ATP6V0D2: variants seen among roughly 807,000 people sequenced by gnomAD.
The protein encoded by ATP6V0D2 is ATPase H+ transporting V0 subunit d2.
ATP6V0D2 carries 40 observed loss-of-function variants against 40.0 expected under a neutral mutation model. That is an observed-to-expected ratio of 1.00 (90% CI 0.78 to 1.30). The LOEUF (loss-of-function observed/expected upper bound fraction) is 1.30, where lower values mean the gene tolerates loss of function less well. Among genes scored for constraint, ATP6V0D2 ranks in the 50% most tolerant of loss-of-function variants. The pLI, the probability that ATP6V0D2 is intolerant of heterozygous loss-of-function variation, is 0.00. For missense variants in ATP6V0D2, 470 were observed against 423.1 expected, an observed-to-expected ratio of 1.11 and a Z score of -0.97; for synonymous variants, 179 against 156.3, an observed-to-expected ratio of 1.15 and a Z score of -1.08.
chr8:86,152,818 A>G lies in ATP6V0D2; in HGVS notation c.894A>G (p.Val298=). The change falls in exon 8 of 8, where the codon GTA becomes GTG. Residue 298 remains valine (V), a splice_region_variant and synonymous_variant. Transcript: ENST00000285393. ...TGTTACTTTTTTTCTTTCCTCAGGT[A>G]CAAATGAATGTGCTGGCATTCAACA... The part of the protein sequence containing the change: ...TLEDVFYERE[V]QMNVLAFNRQ... 6.3e-7 allele frequency: 1 copy of G among 1,593,082 alleles called. No homozygotes were observed. The highest frequency in any genetic ancestry group is 8.5e-7 in the Non-Finnish European group (1 of 1,173,716).
At chr8:86,111,417 C>A (rs1446021297) in intron 1 of ATP6V0D2, among the ~76,000 whole-genome samples, 2 of 152,118 alleles carry the variant, frequency 1.3e-5, no homozygotes, top group East Asian at 3.8e-4. Flanking sequence ...TGAAAGATTT[C>A]TTTCTTTTTG....
rs1586108346 is a variant in ATP6V0D2, at chr8:86,153,066, A to G, written c.*89A>G. 2.5e-6 allele frequency: 3 copies of G among 1,191,744 alleles called. No individual in the cohort carries two copies. The highest frequency in any genetic ancestry group is 1.8e-5 in the South Asian group (1 of 54,424). 73.8% of individuals were successfully genotyped at this position (1,191,744 alleles called of 1,614,324 possible). A position where few individuals can be genotyped will look rare whatever the true frequency, so the allele number is the denominator to read the frequency against. ...AAAGAAATTATGTTATATTATCTAG[A>G]CTACACAAAAGTAAGCCACACTATA... On this transcript the variant is annotated 3_prime_UTR_variant, in exon 8 of 8. Coordinates refer to ENST00000285393, the MANE Select transcript of ATP6V0D2 (RefSeq NM_152565.1).
At chr8:86,145,310 AAAAGAAAGAAG>A in intron 5 of ATP6V0D2, among the ~76,000 whole-genome samples, 6 of 82,712 alleles carry the variant, frequency 7.3e-5, no homozygotes, top group Non-Finnish European at 1.2e-4. Flanking sequence ...AGAAAGAAAG[AAAAGAAAGAAG>A]GAAAGAAGGA....
intron 1 of ATP6V0D2, among the ~76,000 whole-genome samples, chr8:86,100,039 T>TAA (rs60101140): frequency 3.4e-5 from 5 of 145,408 alleles, no homozygotes; most frequent in African/African-American, 5.0e-5. Flanking sequence ...TAACTGAAGT[T>TAA]AAAAAAAAAA....
At chr8:86,099,486 A>C (rs745407316) in intron 1 of ATP6V0D2, among the ~76,000 whole-genome samples, 2 of 152,042 alleles carry the variant, frequency 1.3e-5, no homozygotes, top group Non-Finnish European at 2.9e-5. Context: ...TACCACACTC[A>C]TCCTTTATTA....
At position 86,152,919 on chromosome 8, in the gene ATP6V0D2, C is replaced by G. The variant is rs751331505; in HGVS notation, c.995C>G (p.Ala332Gly). The G allele has an allele frequency of 6.2e-7, 1 of 1,611,930 alleles. No individual in the cohort carries two copies. Among genetic ancestry groups the G allele is most frequent in the East Asian group, 2.2e-5 (1 of 44,706 alleles). Residue 332 changes from alanine (A) to glycine (G), a missense_variant, in exon 8 of 8, where the codon GCA becomes GGA. By Grantham distance (60) the Ala-to-Gly change is moderately conservative. Coordinates refer to ENST00000285393, the MANE Select transcript of ATP6V0D2 (RefSeq NM_152565.1). The stretch of plus-strand genomic sequence containing the variant: ...GAAATTAGAAATATTGTGTGGATAG[C>G]AGAATGTATTTCACAGAGGCATCGA... ...EQEIRNIVWIAECISQRHRTK... is the reference protein window; with the variant it reads ...EQEIRNIVWIGECISQRHRTK...
intron 2 of ATP6V0D2, among the ~76,000 whole-genome samples, chr8:86,135,385 G>A (rs57455418): frequency 0.018 from 2,756 of 152,238 alleles, 90 homozygotes; most frequent in African/African-American, 0.063. Context: ...AGATCAAATG[G>A]AAATGTTAAA....
intron 5 of ATP6V0D2, 38 bp downstream of exon 5, chr8:86,142,992 G>T: frequency 7.1e-7 from 1 of 1,412,280 alleles, no homozygotes; most frequent in South Asian, 1.2e-5. Context: ...TGCTAAATAA[G>T]GTGCTTACAT....
At chr8:86,120,713 A>G (rs1421486777) in intron 2 of ATP6V0D2, among the ~76,000 whole-genome samples, 2 of 152,148 alleles carry the variant, frequency 1.3e-5, no homozygotes, top group Non-Finnish European at 2.9e-5. Flanking sequence ...ACCCTGCAAA[A>G]CAGGTGTTTA....
At chr8:86,150,083 A>T in intron 5 of ATP6V0D2, 29 bp from the exon 6 acceptor site, 1 of 1,600,910 alleles carries the variant, frequency 6.2e-7, no homozygotes, top group Non-Finnish European at 8.5e-7. Flanking sequence ...AGTTTATTAG[A>T]TTTTACTGGT....
chr8:86,152,429 G>C (rs997471822), intron 7 of ATP6V0D2, among the ~76,000 whole-genome samples: 1 of 152,134 alleles, frequency 6.6e-6, no homozygotes, highest in African/African-American at 2.4e-5. Flanking sequence ...AATCTTTTAG[G>C]TATATACCCA....
intron 1 of ATP6V0D2, among the ~76,000 whole-genome samples, chr8:86,102,895 CA>C (rs1818422447): frequency 6.6e-6 from 1 of 151,902 alleles, no homozygotes; most frequent in Admixed American, 6.6e-5. Context: ...GACTTTGAAC[CA>C]AAACAATAAC....
intron 4 of ATP6V0D2, among the ~76,000 whole-genome samples, chr8:86,142,384 G>A (rs924078328): frequency 2.6e-5 from 4 of 152,194 alleles, no homozygotes; most frequent in Admixed American, 6.5e-5. Flanking sequence ...GGAGAGCCAA[G>A]GTTTCTTTGG....
chr8:86,122,327 C>G (rs1185493540), intron 2 of ATP6V0D2, among the ~76,000 whole-genome samples: 1 of 152,156 alleles, frequency 6.6e-6, no homozygotes, highest in African/African-American at 2.4e-5. Flanking sequence ...TACTAAGAAT[C>G]TGACGTTAAG....
chr8:86,137,017 A>G (rs930661330), intron 2 of ATP6V0D2, among the ~76,000 whole-genome samples: 3 of 151,386 alleles, frequency 2.0e-5, no homozygotes, highest in Non-Finnish European at 4.4e-5. Flanking sequence ...CACATATTAA[A>G]ACTAAAAATC....
intron 1 of ATP6V0D2, among the ~76,000 whole-genome samples, chr8:86,102,721 TTC>T (rs1274178576): frequency 6.6e-6 from 1 of 152,234 alleles, no homozygotes; most frequent in Non-Finnish European, 1.5e-5. Flanking sequence ...TACCCATGTA[TTC>T]TGAGGCCTGC....
At position 86,100,184 on chromosome 8, in the gene ATP6V0D2, AC is replaced by A. The variant is rs200200796; in HGVS notation, c.130+1077del. ...GTGTTCTCAGTTATAATAAATAAAT[AC>A]TCAACAAGTGGAAATTGTCTCTAAA... On this transcript the variant is annotated intron_variant, in intron 1 of 7. Coordinates refer to ENST00000285393, the MANE Select transcript of ATP6V0D2 (RefSeq NM_152565.1). 3.5e-4 allele frequency among the ~76,000 whole-genome samples: 53 copies of A among 152,102 alleles called. 1 individual carries two copies. In the East Asian group the frequency reaches 0.01, roughly 29 times the overall value.
At chr8:86,139,101 G>A (rs1818938318) in intron 2 of ATP6V0D2, among the ~76,000 whole-genome samples, 2 of 151,942 alleles carry the variant, frequency 1.3e-5, no homozygotes, top group South Asian at 4.1e-4. Context: ...GGTGGTGAGA[G>A]CTTGTAATCC....
At chr8:86,130,811 C>T (rs1437326729) in intron 2 of ATP6V0D2, among the ~76,000 whole-genome samples, 2 of 152,106 alleles carry the variant, frequency 1.3e-5, no homozygotes, top group Non-Finnish European at 2.9e-5. Context: ...TCCCCATGTG[C>T]CCTATGGGGA....
Sources: allele counts gnomAD v4.1 joint callset (sites outside exome capture counted in the v4.1 genomes callset), GRCh38; gene constraint gnomAD v4.1.1; transcripts MANE v1.5; gene names NCBI Gene and HGNC (gene_info 2026-07-23, HGNC 2026-07-21).